Variants in CDV3 observed in about 807,000 individuals in gnomAD.
CDV3 encodes the protein protein CDV3 homolog.
A neutral mutation model predicts 24.5 loss-of-function variants in CDV3; 14 were observed. That is an observed-to-expected ratio of 0.57 (90% CI 0.38 to 0.89). The LOEUF (loss-of-function observed/expected upper bound fraction) is 0.89. Ranked by LOEUF, CDV3 falls within the 40% of genes least tolerant of loss-of-function variation. The probability of loss-of-function intolerance (pLI) is 0.00; values close to 1 mark genes in which losing one functional copy is unlikely to be tolerated. For missense variants in CDV3, 304 were observed against 310.2 expected (o/e 0.98, Z 0.15); for synonymous variants, 114 against 114.1 (o/e 1.00, Z 0.00).
At chr3:133,577,697 C>CCTTATAGTAGTTAGCATATTAGTT (rs1357450021) in intron 2 of CDV3, among the ~76,000 whole-genome samples, 1 of 152,112 alleles carries the variant, frequency 6.6e-6, no homozygotes, top group Non-Finnish European at 1.5e-5. Flanking sequence ...TGACCCTGGT[C>CCTTATAGTAGTTAGCATATTAGTT]CTTATAGTAG....
At chr3:133,579,109 A>G (rs2074924648) in intron 2 of CDV3, among the ~76,000 whole-genome samples, 1 of 152,192 alleles carries the variant, frequency 6.6e-6, no homozygotes, top group South Asian at 2.1e-4. Context: ...TCATACATAC[A>G]TACAGTGGGT....
chr3:133,587,974 CCTTAAA>C lies in CDV3; in HGVS notation c.709_714del (p.Lys237_Leu238del). The C allele has an allele frequency of 6.2e-7, 1 of 1,613,936 alleles. No homozygotes were observed. Among genetic ancestry groups the C allele is most frequent in the Non-Finnish European group, 8.5e-7 (1 of 1,179,942 alleles). On this transcript the variant is annotated inframe_deletion, in exon 5 of 5. Coordinates refer to ENST00000264993, the MANE Select transcript of CDV3 (RefSeq NM_017548.5). ...GGGATGAGGTTTCAAAAAACCAGGC[CCTTAAA>C]CTTCAGCTAGACAACCAATATGCTG...
chr3:133,588,952 GA>G lies in CDV3; in HGVS notation c.*909del, dbSNP rs1933874824. The stretch of plus-strand genomic sequence containing the variant: ...AACCTAAAGTATGCATTAGGATTGT[GA>G]AATGTCTCGTGAGTATGCCAATCCT... On this transcript the variant is annotated 3_prime_UTR_variant, in exon 5 of 5. Transcript: ENST00000264993. 1 of 152,816 alleles carries G rather than the reference GA, an allele frequency of 6.5e-6. No individual in the cohort carries two copies. The highest frequency in any genetic ancestry group is 2.4e-5 in the African/African-American group (1 of 41,540). The allele number at this position is 152,816 out of a possible 1,614,324, so 9.5% of individuals were successfully genotyped here. A position where few individuals can be genotyped will look rare whatever the true frequency, so the allele number is the denominator to read the frequency against.
At chr3:133,583,631 C>T (rs1933289935) in intron 2 of CDV3, among the ~76,000 whole-genome samples, 1 of 152,188 alleles carries the variant, frequency 6.6e-6, no homozygotes, top group Non-Finnish European at 1.5e-5. Context: ...GGCACGATCT[C>T]AGCTCACTGC....
At position 133,584,002 on chromosome 3, in the gene CDV3, C is replaced by T. The variant is rs1384106726; in HGVS notation, c.318C>T (p.Ser106=). 3 of 1,589,562 alleles carry T rather than the reference C, an allele frequency of 1.9e-6. No homozygotes were observed. The highest frequency in any genetic ancestry group is 2.6e-6 in the Non-Finnish European group (3 of 1,170,962). ...TGAATTTACATCTTTGCTTTTCCAG[C>T]AGTGAAAAGGAAGAAGACGATAATG... is the stretch of plus-strand genomic sequence containing the variant. ...SGLRVQAMQI[S]SEKEEDDNEK... The change falls in exon 3 of 5, where the codon AGC becomes AGT. Residue 106 remains serine (S), a splice_region_variant and synonymous_variant. Transcript: ENST00000264993.
Position 133,574,084 on chromosome 3 carries a change from G to T in CDV3, c.40G>T (p.Ala14Ser). The T allele has an allele frequency of 8.1e-7, 1 of 1,241,004 alleles. No homozygotes were observed. The highest frequency in any genetic ancestry group is 1.0e-6 in the Non-Finnish European group (1 of 966,926). 76.9% of individuals were successfully genotyped at this position (1,241,004 alleles called of 1,614,324 possible). Residue 14 changes from alanine (A) to serine (S), a missense_variant, in exon 1 of 5, where the codon GCC becomes TCC. Physicochemically the swap from Ala to Ser is moderately conservative, Grantham distance 99 (BLOSUM62 1). Around this residue, in one of 3 missense-constraint regions of CDV3, gnomAD observed 219 missense variants for 203.6 expected, o/e 1.08. Coordinates refer to ENST00000264993, the MANE Select transcript of CDV3 (RefSeq NM_017548.5). ...TEERSLDNFFAKRDKKKKKER... is the reference protein window; with the variant it reads ...TEERSLDNFFSKRDKKKKKER... ...GGAGCGGAGCCTGGACAACTTCTTT[G>T]CCAAGAGGGACAAGAAGAAGAAGAA...
chr3:133,580,202 T>G (rs2107713351), intron 2 of CDV3, among the ~76,000 whole-genome samples: 1 of 151,890 alleles, frequency 6.6e-6, no homozygotes, highest in East Asian at 1.9e-4. Flanking sequence ...CTCCCACTTG[T>G]GAGTGAGAAC....
intron 2 of CDV3, among the ~76,000 whole-genome samples, chr3:133,581,983 A>G (rs1308380206): frequency 6.6e-6 from 1 of 152,124 alleles, no homozygotes; most frequent in African/African-American, 2.4e-5. Context: ...CTTAGGGATG[A>G]ATTGCCATAT....
Position 133,583,991 on chromosome 3 carries a change from T to C in CDV3, c.318-11T>C. 1 of 1,587,754 alleles carries C rather than the reference T, an allele frequency of 6.3e-7. No individual in the cohort carries two copies. Among genetic ancestry groups the C allele is most frequent in the Non-Finnish European group, 8.5e-7 (1 of 1,170,090 alleles). The stretch of plus-strand genomic sequence containing the variant: ...TGATTCCTTAATGAATTTACATCTT[T>C]GCTTTTCCAGCAGTGAAAAGGAAGA... On this transcript the variant is annotated splice_polypyrimidine_tract_variant and intron_variant, in intron 2 of 4. Transcript: ENST00000264993.
chr3:133,587,075 G>C (rs528420550), intron 4 of CDV3: 2 of 689,022 alleles, frequency 2.9e-6, no homozygotes, highest in Non-Finnish European at 4.5e-6. Flanking sequence ...TAAAAGCGCT[G>C]TTTAATTGTA....
Position 133,574,107 on chromosome 3 carries a change from GA to G in CDV3, c.65del (p.Lys22ArgfsTer57). The G allele has an allele frequency of 8.2e-7, 1 of 1,219,804 alleles. No homozygotes were observed. Among genetic ancestry groups the G allele is most frequent in the South Asian group, 1.6e-5 (1 of 64,302 alleles). 75.6% of individuals were successfully genotyped at this position (1,219,804 alleles called of 1,614,324 possible). On this transcript the variant is annotated frameshift_variant, in exon 1 of 5. Coordinates refer to ENST00000264993, the MANE Select transcript of CDV3 (RefSeq NM_017548.5). LOFTEE classifies it high-confidence loss of function. ...TTGCCAAGAGGGACAAGAAGAAGAAGAAGGAGCGGAGCAACCGGGCGGCGAG... is the reference window on the plus strand; with the variant it reads ...TTGCCAAGAGGGACAAGAAGAAGAAGAGGAGCGGAGCAACCGGGCGGCGAG... ...FFAKRDKKKK[K>X]ERSNRAASAA... is the part of the protein sequence containing the mutation.
At position 133,574,006 on chromosome 3, in the gene CDV3, C is replaced by T. The variant is rs1280796860; in HGVS notation, c.-39C>T. Reference sequence around the variant, plus strand: ...CTCGGAGCCCCGCGGGCCGCGCCCGCCGCCGGCCCCACCCATCCGGGTCGA... The same window carrying T: ...CTCGGAGCCCCGCGGGCCGCGCCCGTCGCCGGCCCCACCCATCCGGGTCGA... On this transcript the variant is annotated 5_prime_UTR_variant, in exon 1 of 5. Transcript: ENST00000264993. 9.7e-7 allele frequency: 1 copy of T among 1,035,506 alleles called. No individual in the cohort carries two copies. Among genetic ancestry groups the T allele is most frequent in the African/African-American group, 1.7e-5 (1 of 58,042 alleles). The allele number at this position is 1,035,506 out of a possible 1,614,324, so 64.1% of individuals were successfully genotyped here. A position where few individuals can be genotyped will look rare whatever the true frequency, so the allele number is the denominator to read the frequency against.
chr3:133,582,297 A>T (rs1389043877), intron 2 of CDV3, among the ~76,000 whole-genome samples: 1 of 152,158 alleles, frequency 6.6e-6, no homozygotes, highest in Non-Finnish European at 1.5e-5. Context: ...GCTAACCGGC[A>T]TGTGTCACCA....
intron 4 of CDV3, chr3:133,587,393 T>G: frequency 8.3e-7 from 1 of 1,207,972 alleles, no homozygotes; most frequent in Non-Finnish European, 1.0e-6. Context: ...CTCTGCTCTG[T>G]CTTAAAAAAT....
intron 4 of CDV3, chr3:133,587,318 C>T: frequency 8.0e-7 from 1 of 1,255,150 alleles, no homozygotes; most frequent in Non-Finnish European, 1.0e-6. Context: ...TAGAATAAAT[C>T]CCAGCCTTTT....
At chr3:133,587,584 CTAAAAG>C (rs1933745334) in intron 4 of CDV3, 1 of 1,113,456 alleles carries the variant, frequency 9.0e-7, no homozygotes, top group African/African-American at 1.6e-5. Context: ...CTATTACTTG[CTAAAAG>C]TAAGAGTCTT....
intron 3 of CDV3, among the ~76,000 whole-genome samples, chr3:133,584,688 TC>T (rs1933403275): frequency 6.6e-6 from 1 of 152,166 alleles, no homozygotes; most frequent in Non-Finnish European, 1.5e-5. Flanking sequence ...TCTTTTTCAT[TC>T]CCTATTTAAC....
At position 133,589,058 on chromosome 3, in the gene CDV3, A is replaced by T. The variant is rs1463467252; in HGVS notation, c.*1012A>T. 6.5e-6 allele frequency: 1 copy of T among 152,752 alleles called. No individual in the cohort carries two copies. The highest frequency in any genetic ancestry group is 1.5e-5 in the Non-Finnish European group (1 of 68,136). 9.5% of individuals were successfully genotyped at this position (152,752 alleles called of 1,614,324 possible). ...ACTTCAGGTGCTGCTATAATGCCTC[A>T]TCTAATCAGGACTAAATTGTGTAGG... On this transcript the variant is annotated 3_prime_UTR_variant, in exon 5 of 5. Transcript: ENST00000264993.
rs111604271 is a variant in CDV3, at chr3:133,575,183, C to T, written c.317+68C>T. 516 of 868,768 alleles carry T rather than the reference C, an allele frequency of 5.9e-4. 3 individuals carry two copies. The African/African-American group carries it at 6.0e-3, about 10-fold the overall frequency. 53.8% of individuals were successfully genotyped at this position (868,768 alleles called of 1,614,324 possible). A position where few individuals can be genotyped will look rare whatever the true frequency, so the allele number is the denominator to read the frequency against. On this transcript the variant is annotated intron_variant, in intron 2 of 4. Transcript: ENST00000264993. ...GATATTGGATACAAGTTAGGTTTTC[C>T]TTTGGCCCCAAAGCAGCATCATAGT...
Sources: allele counts gnomAD v4.1 joint callset (sites outside exome capture counted in the v4.1 genomes callset), GRCh38; gene constraint gnomAD v4.1.1; regional missense constraint gnomAD v4.1.1; transcripts MANE v1.5; gene names NCBI Gene and HGNC (gene_info 2026-07-23, HGNC 2026-07-21).